EPM2A: variants seen among roughly 807,000 people sequenced by gnomAD.
The protein encoded by EPM2A is laforin.
EPM2A carries 21 observed loss-of-function variants against 26.5 expected under a neutral mutation model. The observed-to-expected ratio is 0.79, with a 90% confidence interval of 0.56 to 1.14. The LOEUF is 1.14. Ranked by LOEUF, EPM2A falls within the 50% of genes most tolerant of loss-of-function variation. The pLI is 0.00. For missense variants in EPM2A, 458 were observed against 440.8 expected (o/e 1.04, Z -0.35); for synonymous variants, 217 against 177.6 (o/e 1.22, Z -1.76).
intron 4 of EPM2A, among the ~76,000 whole-genome samples, chr6:145,384,985 T>C (rs1778239540): frequency 6.8e-6 from 1 of 147,516 alleles, no homozygotes; most frequent in Non-Finnish European, 1.5e-5. Flanking sequence ...AAGAAAAAAA[T>C]ACTAAACTAC....
At chr6:145,581,847 C>T (rs1341023216) in intron 2 of EPM2A, among the ~76,000 whole-genome samples, 2 of 152,050 alleles carry the variant, frequency 1.3e-5, no homozygotes, top group Non-Finnish European at 2.9e-5. Flanking sequence ...CATTGTTCTA[C>T]AGTGGAATAG....
At chr6:145,719,925 C>G (rs947091993) in intron 1 of EPM2A, among the ~76,000 whole-genome samples, 4 of 141,476 alleles carry the variant, frequency 2.8e-5, no homozygotes, top group Admixed American at 7.5e-5. Context: ...ACCAAAATAA[C>G]GATTTAAACA....
intron 2 of EPM2A, among the ~76,000 whole-genome samples, chr6:145,614,198 C>A (rs117003110): frequency 0.017 from 2,578 of 152,316 alleles, 24 homozygotes; most frequent in Admixed American, 0.024. Context: ...ATCAACCAAC[C>A]TCTGCTAGCT....
In EPM2A at chr6:145,417,696, T is replaced by A. The variant is rs1378236268; in HGVS notation, c.556-33599A>T. On this transcript the variant is annotated intron_variant, in intron 4 of 4. Coordinates refer to the EPM2A transcript ENST00000638717. ...TGAGGGGGTGACTTTTTTCTGAATA[T>A]AGACTTTTCTAGTATGCTACCAACT... Among the ~76,000 whole-genome samples, 3 of 152,280 alleles carry A rather than the reference T, an allele frequency of 2.0e-5. No homozygotes were observed. In the East Asian group the frequency reaches 5.8e-4, roughly 29 times the overall value.
intron 4 of EPM2A, among the ~76,000 whole-genome samples, chr6:145,405,788 A>C (rs1385254417): frequency 6.6e-6 from 1 of 152,134 alleles, no homozygotes; most frequent in Non-Finnish European, 1.5e-5. Context: ...GAAACTGTTG[A>C]ATAGCTGTTT....
chr6:145,457,482 A>C (rs962866866), intron 4 of EPM2A, among the ~76,000 whole-genome samples: 6 of 76,002 alleles, frequency 7.9e-5, no homozygotes, highest in African/African-American at 4.7e-4. Flanking sequence ...ACTCTGTCTC[A>C]AAAAAAAAAA....
chr6:145,406,489 A>G (rs1778571371), intron 4 of EPM2A, among the ~76,000 whole-genome samples: 1 of 152,146 alleles, frequency 6.6e-6, no homozygotes, highest in Non-Finnish European at 1.5e-5. Context: ...TGGTAGTAAG[A>G]ATGATGTCTG....
chr6:145,655,854 T>C (rs1049300892), intron 2 of EPM2A, among the ~76,000 whole-genome samples: 1 of 152,198 alleles, frequency 6.6e-6, no homozygotes, highest in African/African-American at 2.4e-5. Context: ...TACATGAATG[T>C]GTGACCCTGG....
At chr6:145,438,047 A>T (rs1439132229) in intron 4 of EPM2A, among the ~76,000 whole-genome samples, 2 of 152,296 alleles carry the variant, frequency 1.3e-5, no homozygotes, top group African/African-American at 4.8e-5. Context: ...ATCCTGAGAG[A>T]TACATTGTTA....
Position 145,735,307 on chromosome 6 carries a change from C to T in EPM2A, c.192G>A (p.Val64=). ...LQEPGLWLGE[V]ELAAEEAAQD... ...GCGCCGCCTCCTCGGCCGCCAGCTC[C>T]ACCTCCCCGAGCCACAGGCCCGGCT... The change falls in exon 1 of 4, where the codon GTG becomes GTA. Residue 64 remains valine, a synonymous_variant. Coordinates refer to ENST00000367519, the MANE Select transcript of EPM2A (RefSeq NM_005670.4). 2.0e-6 allele frequency: 3 copies of T among 1,470,488 alleles called. No individual in the cohort carries two copies. The highest frequency in any genetic ancestry group is 2.7e-6 in the Non-Finnish European group (3 of 1,108,670). 91.1% of individuals were successfully genotyped at this position (1,470,488 alleles called of 1,614,324 possible).
intron 2 of EPM2A, among the ~76,000 whole-genome samples, chr6:145,554,459 G>GATAGATAGATACATACATAC (rs1554250304): frequency 1.3e-5 from 2 of 151,494 alleles, no homozygotes; most frequent in African/African-American, 4.9e-5. Flanking sequence ...TAGATAGATA[G>GATAGATAGATACATACATAC]ATAGATAGAT....
intron 2 of EPM2A, among the ~76,000 whole-genome samples, chr6:145,575,239 C>A (rs1781014954): frequency 6.6e-6 from 1 of 151,926 alleles, no homozygotes; most frequent in South Asian, 2.1e-4. Context: ...TTTACTCTGG[C>A]AAAAAAGGTA....
At chr6:145,586,418 G>A (rs933452039) in intron 2 of EPM2A, among the ~76,000 whole-genome samples, 14 of 151,962 alleles carry the variant, frequency 9.2e-5, no homozygotes, top group African/African-American at 3.4e-4. Flanking sequence ...CTTAGAATAG[G>A]GGCTTGCCAT....
In EPM2A at chr6:145,667,587, C is replaced by A. The variant is rs1363350575; in HGVS notation, c.476+18535G>T. Among the ~76,000 whole-genome samples, 1,016 of 149,438 alleles carry A rather than the reference C, an allele frequency of 6.8e-3. 13 individuals carry two copies. Among genetic ancestry groups the A allele is most frequent in the African/African-American group, 0.024 (947 of 39,028 alleles). ...GGTGGGACTGTAAACTAGTTCAACC[C>A]TTGTGGAAGTCAGTGTGGCGATTCC... On this transcript the variant is annotated intron_variant, in intron 2 of 3. Coordinates refer to ENST00000367519, the MANE Select transcript of EPM2A (RefSeq NM_005670.4).
chr6:145,733,045 G>T (rs902127581), intron 1 of EPM2A, among the ~76,000 whole-genome samples: 3 of 152,076 alleles, frequency 2.0e-5, no homozygotes, highest in African/African-American at 7.2e-5. Context: ...GTTAATTTAC[G>T]ATGTTTAGAA....
At chr6:145,397,550 T>G (rs1246279825) in intron 4 of EPM2A, among the ~76,000 whole-genome samples, 1 of 152,172 alleles carries the variant, frequency 6.6e-6, no homozygotes, top group Non-Finnish European at 1.5e-5. Flanking sequence ...CCCAGCTTAT[T>G]GCCAGAAGCT....
intron 1 of EPM2A, among the ~76,000 whole-genome samples, chr6:145,691,076 G>A (rs1274580774): frequency 6.6e-6 from 1 of 151,572 alleles, no homozygotes; most frequent in Non-Finnish European, 1.5e-5. Context: ...AAAGATAGTA[G>A]GGCTTAAAAG....
chr6:145,405,759 G>A (rs1392912978), intron 4 of EPM2A, among the ~76,000 whole-genome samples: 19 of 151,994 alleles, frequency 1.3e-4, no homozygotes, highest in Non-Finnish European at 1.0e-4. Flanking sequence ...GAAACTTCAG[G>A]TAAGAAATAG....
chr6:145,429,304 ATATC>A (rs1291521968), intron 4 of EPM2A, among the ~76,000 whole-genome samples: 1 of 152,148 alleles, frequency 6.6e-6, no homozygotes, highest in African/African-American at 2.4e-5. Context: ...ATATTTTAAT[ATATC>A]TATCAATTAA....
Sources: gnomAD v4.1 joint callset for allele counts (sites outside exome capture counted in the v4.1 genomes callset) on GRCh38, gnomAD v4.1.1 for gene constraint, MANE v1.5 for transcripts, NCBI Gene and HGNC (gene_info 2026-07-23, HGNC 2026-07-21) for gene names.